NUP210: variants seen among roughly 807,000 people sequenced by gnomAD.
The protein encoded by NUP210 is nucleoporin 210, also known as nuclear pore membrane glycoprotein 210.
A neutral mutation model predicts 196.0 loss-of-function variants in NUP210; 151 were observed. The observed-to-expected ratio is 0.77, with a 90% CI of 0.67 to 0.88. NUP210 has a LOEUF of 0.88. Among genes scored for constraint, NUP210 ranks in the 40% least tolerant of loss-of-function variants. The pLI is 0.00. For missense variants in NUP210, 2,314 were observed against 2,493.7 expected, an observed-to-expected ratio of 0.93 and a Z score of 1.53; for synonymous variants, 1,070 against 1,052.7, an observed-to-expected ratio of 1.02 and a Z score of -0.32.
In NUP210 at chr3:13,350,784, G is replaced by T. The variant is rs1003902875; in HGVS notation, c.2835+1095C>A. On this transcript the variant is annotated intron_variant, in intron 20 of 39. Transcript: ENST00000254508. The surrounding 1 kb of genome is among the most constrained non-coding windows in gnomAD (Gnocchi z 4.1). ...TCTTGGCTCACTGCAAGCTCCACCC[G>T]CTGGGTTCACGCCATCTCCTGCCTC... Among the ~76,000 whole-genome samples the T allele has an allele frequency of 3.6e-4, 53 of 145,280 alleles. No individual in the cohort carries two copies. The highest frequency in any genetic ancestry group is 8.6e-4 in the Admixed American group (12 of 13,980).
chr3:13,343,332 T>TGAA, intron 20 of NUP210, 29 bp from the exon 21 acceptor site: 1 of 214,668 alleles, frequency 4.7e-6, no homozygotes, highest in Non-Finnish European at 9.0e-6. Flanking sequence ...GGTGGAGGGG[T>TGAA]GGGTGGTGGG....
rs1038958579 is a variant in NUP210 at position 13,354,277 on chromosome 3, C to A, written c.2329-170G>T. On this transcript the variant is annotated intron_variant, in intron 16 of 39. Transcript: ENST00000254508. Reference sequence around the variant, plus strand: ...TCACTATTGCCACCCACCAGGTCCCCCCATGGCCCTGTCCAAGCTGGCCTC... The same window carrying A: ...TCACTATTGCCACCCACCAGGTCCCACCATGGCCCTGTCCAAGCTGGCCTC... 2.7e-5 allele frequency: 17 copies of A among 621,374 alleles called. No homozygotes were observed. The East Asian group carries it at 4.5e-4, about 16-fold the overall frequency. The allele number at this position is 621,374 out of a possible 1,614,324, so 38.5% of individuals were successfully genotyped here.
Position 13,350,254 on chromosome 3 carries a change from G to C in NUP210, c.2835+1625C>G, listed in dbSNP as rs1254458744. ...TGTGTTCAGCAAAATAACACAGCCT[G>C]TGTGTTTGTGTGTGTGTGCGCGTGT... On this transcript the variant is annotated intron_variant, in intron 20 of 39. Transcript: ENST00000254508. This position sits in a 1 kb window ranked among gnomAD's most constrained non-coding sequence, Gnocchi z 4.1. Among the ~76,000 whole-genome samples, 1 of 151,674 alleles carries C rather than the reference G, an allele frequency of 6.6e-6. No individual in the cohort carries two copies. Among genetic ancestry groups the C allele is most frequent in the East Asian group, 1.9e-4 (1 of 5,190 alleles).
intron 31 of NUP210, among the ~76,000 whole-genome samples, chr3:13,327,853 T>C (rs549871632): frequency 5.3e-5 from 8 of 152,296 alleles, no homozygotes; most frequent in Non-Finnish European, 1.0e-4. Context: ...TTTCCTCCTC[T>C]GAAAAATGGG....
At position 13,399,811 on chromosome 3, in the gene NUP210, T is replaced by C; in HGVS notation, c.218A>G (p.Glu73Gly). Residue 73 changes from glutamate to glycine, a missense_variant, in exon 2 of 40, where the codon GAG becomes GGG. Coordinates refer to ENST00000254508, the MANE Select transcript of NUP210 (RefSeq NM_024923.4). Reference sequence around the variant, plus strand: ...CACTGCCTTCTGGGAGCACTGCTGCTCGTCCAGGCCCAGCGGCTCGATGCT... The same window carrying C: ...CACTGCCTTCTGGGAGCACTGCTGCCCGTCCAGGCCCAGCGGCTCGATGCT... ...VASIEPLGLD[E>G]QQCSQKAVVQ... 1 of 1,613,558 alleles carries C rather than the reference T, an allele frequency of 6.2e-7. No homozygotes were observed. Among genetic ancestry groups the C allele is most frequent in the Non-Finnish European group, 8.5e-7 (1 of 1,179,792 alleles).
intron 8 of NUP210, among the ~76,000 whole-genome samples, chr3:13,377,881 TACCTGGAGGCCCCACACCACCC>T (rs1698972112): frequency 2.0e-5 from 1 of 50,090 alleles, no homozygotes; most frequent in Non-Finnish European, 4.2e-5. Context: ...CCACACCACT[TACCTGGAGGCCCCACACCACCC>T]ACCTGCAGGC....
intron 3 of NUP210, among the ~76,000 whole-genome samples, chr3:13,392,246 A>G (rs537486390): frequency 6.6e-6 from 1 of 152,276 alleles, no homozygotes; most frequent in South Asian, 2.1e-4. Flanking sequence ...GCAAGGTCTC[A>G]AAGACTGCAT....
intron 6 of NUP210, among the ~76,000 whole-genome samples, chr3:13,383,007 T>C (rs1194889117): frequency 6.6e-6 from 1 of 150,452 alleles, no homozygotes; most frequent in Non-Finnish European, 1.5e-5. Context: ...TAGCCAGGCA[T>C]GTGGTGTGTG....
At chr3:13,320,989 C>T (rs144132650) in intron 36 of NUP210, among the ~76,000 whole-genome samples, 395 of 152,354 alleles carry the variant, frequency 2.6e-3, no homozygotes, top group African/African-American at 8.9e-3. Flanking sequence ...AGCGGGCTGG[C>T]CCTCCTCCCT....
intron 4 of NUP210, 66 bp downstream of exon 4, chr3:13,391,145 A>G (rs980653706): frequency 1.8e-6 from 2 of 1,102,090 alleles, no homozygotes; most frequent in Admixed American, 1.9e-5. Flanking sequence ...GCTGGTGAGG[A>G]GCTCACAGGT....
Position 13,329,023 on chromosome 3 carries a change from G to A in NUP210, c.4111-77C>T, listed in dbSNP as rs1237691945. ...CCAGGAAAACCCACCTCCCAAGGAG[G>A]GGACACCTGCCCCCAGCAGGATCCA... On this transcript the variant is annotated intron_variant, in intron 30 of 39. Transcript: ENST00000254508. 9 of 1,308,366 alleles carry A rather than the reference G, an allele frequency of 6.9e-6. No individual in the cohort carries two copies. The African/African-American group carries it at 1.2e-4, about 17-fold the overall frequency. The allele number at this position is 1,308,366 out of a possible 1,614,324, so 81.0% of individuals were successfully genotyped here. A position where few individuals can be genotyped will look rare whatever the true frequency, so the allele number is the denominator to read the frequency against.
chr3:13,355,201 C>A (rs17038065), intron 16 of NUP210, among the ~76,000 whole-genome samples: 6 of 152,264 alleles, frequency 3.9e-5, no homozygotes, highest in East Asian at 1.9e-4. Flanking sequence ...CCATGAGCAT[C>A]ATTCACAAAC....
chr3:13,394,167 C>T (rs572129599), intron 3 of NUP210, among the ~76,000 whole-genome samples: 1 of 152,062 alleles, frequency 6.6e-6, no homozygotes, highest in Non-Finnish European at 1.5e-5. Context: ...AGAGGCAATG[C>T]CAGAGGAAGC....
chr3:13,368,796 A>G (rs929576458), intron 13 of NUP210, among the ~76,000 whole-genome samples: 1 of 152,208 alleles, frequency 6.6e-6, no homozygotes, highest in Non-Finnish European at 1.5e-5. Flanking sequence ...ATTCCACTGT[A>G]TGGATAGACC....
intron 28 of NUP210, among the ~76,000 whole-genome samples, chr3:13,333,843 G>A (rs543598903): frequency 2.0e-5 from 3 of 152,258 alleles, no homozygotes; most frequent in East Asian, 3.9e-4. Flanking sequence ...TAGATGGAGG[G>A]GGAGTTGTAA....
intron 20 of NUP210, among the ~76,000 whole-genome samples, chr3:13,346,067 T>C (rs1256865702): frequency 6.6e-6 from 1 of 152,228 alleles, no homozygotes; most frequent in Admixed American, 6.5e-5. Flanking sequence ...TCTTGCACAT[T>C]TTAAACAGAG....
intron 14 of NUP210, among the ~76,000 whole-genome samples, chr3:13,363,316 C>A (rs1463620084): frequency 3.9e-5 from 6 of 152,170 alleles, no homozygotes; most frequent in African/African-American, 1.4e-4. Flanking sequence ...ATGCTCTTAC[C>A]CACATCTCAT....
intron 13 of NUP210, among the ~76,000 whole-genome samples, chr3:13,370,221 C>T (rs1698683962): frequency 6.6e-6 from 1 of 152,134 alleles, no homozygotes; most frequent in Non-Finnish European, 1.5e-5. Flanking sequence ...ATGCACACTC[C>T]ACACCAGGGG....
intron 13 of NUP210, among the ~76,000 whole-genome samples, chr3:13,371,575 T>C (rs1160533394): frequency 6.6e-6 from 1 of 152,224 alleles, no homozygotes. Flanking sequence ...TTTGATGTGA[T>C]TCTATGTAGA....
Sources: gnomAD v4.1 joint callset for allele counts (sites outside exome capture counted in the v4.1 genomes callset) on GRCh38, gnomAD v4.1.1 for gene constraint, Gnocchi (gnomAD v3.1) non-coding constraint, MANE v1.5 for transcripts, NCBI Gene and HGNC (gene_info 2026-07-23, HGNC 2026-07-21) for gene names.